RBM46: variants seen among roughly 807,000 people sequenced by gnomAD.
RBM46 encodes RNA binding motif protein 46.
In RBM46, 12 loss-of-function variants were observed where a neutral mutation model predicts 43.3. The ratio of observed to expected loss-of-function variants is 0.28; its 90% CI spans 0.18 to 0.45. The LOEUF is 0.45. RBM46 is among the 20% of genes least tolerant of loss of function. RBM46 has a pLI of 1.00. For synonymous variants in RBM46, 205 were observed against 207.6 expected (o/e 0.99, Z 0.11); for missense variants, 412 against 639.1 (o/e 0.64, Z 3.83).
intron 1 of RBM46, among the ~76,000 whole-genome samples, chr4:154,786,473 T>G (rs886352872): frequency 2.6e-5 from 4 of 152,228 alleles, no homozygotes; most frequent in African/African-American, 9.6e-5. Flanking sequence ...TTTTATTTAT[T>G]GCATTTGGTG....
chr4:154,827,600 T>C, intron 4 of RBM46: 2 of 1,187,508 alleles, frequency 1.7e-6, no homozygotes, highest in Non-Finnish European at 2.1e-6. Context: ...TAATCAAAAC[T>C]CCAAGAAATA....
intron 4 of RBM46, among the ~76,000 whole-genome samples, chr4:154,802,729 T>C (rs1324202122): frequency 6.6e-6 from 1 of 152,188 alleles, no homozygotes; most frequent in African/African-American, 2.4e-5. Context: ...AAGTCAAATT[T>C]TCTAGAGAAT....
At chr4:154,798,713 T>A in intron 3 of RBM46, 69 bp from the exon 4 acceptor site, 1 of 1,217,374 alleles carries the variant, frequency 8.2e-7, no homozygotes, top group African/African-American at 1.6e-5. Context: ...GGGGAAACAG[T>A]TTTACTGAAC....
At chr4:154,789,972 A>G (rs374790709) in intron 1 of RBM46, among the ~76,000 whole-genome samples, 2 of 152,254 alleles carry the variant, frequency 1.3e-5, no homozygotes, top group South Asian at 2.1e-4. Context: ...AGAGGTGTTT[A>G]TAGTATTCTC....
intron 1 of RBM46, among the ~76,000 whole-genome samples, chr4:154,790,725 A>G (rs1343904854): frequency 1.3e-5 from 2 of 152,242 alleles, no homozygotes; most frequent in Non-Finnish European, 2.9e-5. Flanking sequence ...ATTTGGACAG[A>G]TAGCTCTTAA....
At chr4:154,818,301 T>C (rs2111201361) in intron 4 of RBM46, among the ~76,000 whole-genome samples, 1 of 152,306 alleles carries the variant, frequency 6.6e-6, no homozygotes, top group East Asian at 1.9e-4. Flanking sequence ...ATCTCTATTT[T>C]CATTTGTCTG....
intron 4 of RBM46, among the ~76,000 whole-genome samples, chr4:154,822,787 A>T (rs1353681689): frequency 6.6e-6 from 1 of 151,734 alleles, no homozygotes; most frequent in Non-Finnish European, 1.5e-5. Context: ...TCATAGATGA[A>T]AAAATCAGGT....
chr4:154,786,666 C>T (rs1364819292), intron 1 of RBM46, among the ~76,000 whole-genome samples: 3 of 151,772 alleles, frequency 2.0e-5, no homozygotes, highest in East Asian at 1.9e-4. Context: ...CGATGGCTCA[C>T]GCCTTTAATC....
chr4:154,811,457 T>G (rs1413198542), intron 4 of RBM46, among the ~76,000 whole-genome samples: 1 of 152,108 alleles, frequency 6.6e-6, no homozygotes, highest in Non-Finnish European at 1.5e-5. Flanking sequence ...GCCCAGAACA[T>G]TCCCTTTTAT....
At chr4:154,819,045 T>C (rs1735601072) in intron 4 of RBM46, among the ~76,000 whole-genome samples, 1 of 152,188 alleles carries the variant, frequency 6.6e-6, no homozygotes, top group African/African-American at 2.4e-5. Context: ...GTCTGCTGTT[T>C]CTGTTGGTTT....
chr4:154,802,918 A>G (rs936151860), intron 4 of RBM46, among the ~76,000 whole-genome samples: 1 of 152,172 alleles, frequency 6.6e-6, no homozygotes, highest in Non-Finnish European at 1.5e-5. Context: ...TTTTAAATTA[A>G]TATTTTAGAT....
intron 4 of RBM46, among the ~76,000 whole-genome samples, chr4:154,800,329 C>T (rs915498410): frequency 2.0e-5 from 3 of 152,018 alleles, no homozygotes; most frequent in East Asian, 1.9e-4. Flanking sequence ...TCAGATGGGT[C>T]GTGTGTAGAC....
chr4:154,824,609 A>C (rs1735869750), intron 4 of RBM46, among the ~76,000 whole-genome samples: 1 of 152,118 alleles, frequency 6.6e-6, no homozygotes, highest in Non-Finnish European at 1.5e-5. Context: ...AATTATACCG[A>C]AACAAGCTAT....
In RBM46 at chr4:154,798,362, A is replaced by G. The variant is rs952927284; in HGVS notation, c.619+84A>G. On this transcript the variant is annotated intron_variant, in intron 3 of 4. Coordinates refer to ENST00000281722, the MANE Select transcript of RBM46 (RefSeq NM_144979.5). ...TACATCAGGGATCAATATTATCAAAATACTAATGTCACTTAAAGAAGAGTA... is the reference window on the plus strand; with the variant it reads ...TACATCAGGGATCAATATTATCAAAGTACTAATGTCACTTAAAGAAGAGTA... 1.5e-5 allele frequency: 12 copies of G among 821,366 alleles called. No individual in the cohort carries two copies. The African/African-American group carries it at 2.1e-4, about 14-fold the overall frequency. 50.9% of individuals were successfully genotyped at this position (821,366 alleles called of 1,614,324 possible).
intron 4 of RBM46, among the ~76,000 whole-genome samples, chr4:154,815,822 C>T (rs1252749999): frequency 6.6e-6 from 1 of 151,846 alleles, no homozygotes. Context: ...CCATTTGCAT[C>T]CTGCTTAGAA....
At chr4:154,791,225 A>G (rs1485460642) in intron 1 of RBM46, among the ~76,000 whole-genome samples, 1 of 152,198 alleles carries the variant, frequency 6.6e-6, no homozygotes, top group African/African-American at 2.4e-5. Flanking sequence ...TATGCAGATG[A>G]TCATTGTGAT....
intron 4 of RBM46, among the ~76,000 whole-genome samples, chr4:154,826,595 T>G (rs553803401): frequency 6.6e-6 from 1 of 152,322 alleles, no homozygotes; most frequent in East Asian, 1.9e-4. Flanking sequence ...TTGGAACTGG[T>G]TACTTTAAAT....
At chr4:154,825,744 C>T (rs1197859111) in intron 4 of RBM46, among the ~76,000 whole-genome samples, 3 of 152,172 alleles carry the variant, frequency 2.0e-5, no homozygotes, top group African/African-American at 4.8e-5. Flanking sequence ...TGGCTATCTG[C>T]TTTCTGAAAT....
At chr4:154,811,700 T>TGTGTGTGTGTGTGTGA (rs1186984712) in intron 4 of RBM46, among the ~76,000 whole-genome samples, 1 of 150,166 alleles carries the variant, frequency 6.7e-6, no homozygotes, top group Non-Finnish European at 1.5e-5. Context: ...TGTGTGTGTG[T>TGTGTGTGTGTGTGTGA]GACAGAGTTT....
Sources: gnomAD v4.1 joint callset for allele counts (sites outside exome capture counted in the v4.1 genomes callset) on GRCh38, gnomAD v4.1.1 for gene constraint, MANE v1.5 for transcripts, NCBI Gene and HGNC (gene_info 2026-07-23, HGNC 2026-07-21) for gene names.